The following LRRK2 variants were observed in gnomAD, a reference collection of about 807,000 sequenced individuals.
LRRK2 encodes leucine-rich repeat serine/threonine-protein kinase 2.
Under a neutral mutation model 302.6 loss-of-function variants are expected in LRRK2, and 203 were observed. The ratio of observed to expected loss-of-function variants is 0.67; its 90% CI spans 0.60 to 0.75. The LOEUF (loss-of-function observed/expected upper bound fraction) is 0.75, where lower values mean the gene tolerates loss of function less well. LRRK2 is among the 30% of genes least tolerant of loss of function. The probability of loss-of-function intolerance (pLI) is 0.00; values close to 1 mark genes in which losing one functional copy is unlikely to be tolerated. For synonymous variants in LRRK2, 1,066 were observed against 1,031.9 expected, an observed-to-expected ratio of 1.03 and a Z score of -0.63; for missense variants, 2,830 against 2,951.0, an observed-to-expected ratio of 0.96 and a Z score of 0.95.
chr12:40,261,514 G>A (rs1942774544), intron 13 of LRRK2, among the ~76,000 whole-genome samples: 1 of 152,120 alleles, frequency 6.6e-6, no homozygotes, highest in Non-Finnish European at 1.5e-5. Flanking sequence ...ATATCAGTAT[G>A]TAAGTACATT....
chr12:40,346,515 T>C (rs1432712312), intron 41 of LRRK2, among the ~76,000 whole-genome samples: 1 of 152,202 alleles, frequency 6.6e-6, no homozygotes, highest in Non-Finnish European at 1.5e-5. Context: ...ATTGAAGATA[T>C]TTATAATAAA....
In LRRK2 at chr12:40,320,037, T is replaced by A; in HGVS notation, c.4877T>A (p.Ile1626Asn). Reference protein sequence around the residue: ...EGCPKHPKGIISRRDVEKFLS... With the variant: ...EGCPKHPKGINSRRDVEKFLS... ...TGTCCAAAACACCCTAAGGGCATTA[T>A]TTCGCGTAGAGATGTGGAAAAATTT... The change falls in exon 34 of 51, where the codon ATT (isoleucine) becomes AAT (asparagine). Residue 1626 changes from isoleucine to asparagine, a missense_variant. Around this residue, in one of 3 missense-constraint regions of LRRK2, gnomAD observed 2,121 missense variants for 2,148.0 expected, o/e 0.99. Coordinates refer to ENST00000298910, the MANE Select transcript of LRRK2 (RefSeq NM_198578.4). The A allele has an allele frequency of 6.2e-7, 1 of 1,611,950 alleles. No individual in the cohort carries two copies. The highest frequency in any genetic ancestry group is 8.5e-7 in the Non-Finnish European group (1 of 1,178,656).
intron 11 of LRRK2, among the ~76,000 whole-genome samples, chr12:40,256,298 A>C (rs1006478286): frequency 1.3e-5 from 2 of 152,112 alleles, no homozygotes; most frequent in East Asian, 3.9e-4. Context: ...TATTAACAAA[A>C]ATTAGCCAGG....
chr12:40,278,345 T>C, intron 18 of LRRK2, 84 bp downstream of exon 18: 1 of 1,478,706 alleles, frequency 6.8e-7, no homozygotes, highest in Non-Finnish European at 9.4e-7. Flanking sequence ...CTCTTACTTA[T>C]ATCATATTAT....
At chr12:40,314,488 G>T (rs1592275908) in intron 32 of LRRK2, among the ~76,000 whole-genome samples, 2 of 152,178 alleles carry the variant, frequency 1.3e-5, no homozygotes, top group East Asian at 3.9e-4. Context: ...ATAGTCAAAT[G>T]ACATTCATAA....
At chr12:40,278,783 T>C (rs1365770523) in intron 18 of LRRK2, among the ~76,000 whole-genome samples, 1 of 152,154 alleles carries the variant, frequency 6.6e-6, no homozygotes, top group African/African-American at 2.4e-5. Flanking sequence ...TCCTGAACCA[T>C]GTAAACATAT....
intron 5 of LRRK2, 104 bp from the exon 6 acceptor site, chr12:40,240,379 A>T: frequency 9.8e-7 from 1 of 1,018,920 alleles, no homozygotes; most frequent in Non-Finnish European, 1.5e-6. Flanking sequence ...AGGAGATTAC[A>T]CTTGATGTAT....
rs1368080388 is a variant in LRRK2 at position 40,295,582 on chromosome 12, C to A, written c.3034C>A (p.His1012Asn). The A allele has an allele frequency of 6.2e-7, 1 of 1,614,010 alleles. No individual in the cohort carries two copies. Reference sequence around the variant, plus strand: ...ATGCTGTATAAGTGTTCATTTGGAGCATCTTGAAAAGCTGGAGCTTCACCA... The same window carrying A: ...ATGCTGTATAAGTGTTCATTTGGAGAATCTTGAAAAGCTGGAGCTTCACCA... ...QKCCISVHLE[H>N]LEKLELHQNA... Residue 1012 changes from histidine (H) to asparagine (N), a missense_variant, in exon 23 of 51, where the codon CAT becomes AAT. By Grantham distance (68) the His-to-Asn change is moderately conservative. Transcript: ENST00000298910.
At chr12:40,276,775 T>C (rs567233740) in intron 16 of LRRK2, among the ~76,000 whole-genome samples, 1 of 152,296 alleles carries the variant, frequency 6.6e-6, no homozygotes, top group African/African-American at 2.4e-5. Context: ...TTAGTATTCG[T>C]AGATACTCAG....
intron 14 of LRRK2, among the ~76,000 whole-genome samples, chr12:40,273,926 A>G (rs769038815): frequency 2.0e-5 from 3 of 152,014 alleles, no homozygotes; most frequent in Non-Finnish European, 2.9e-5. Context: ...TCTGGAGGAA[A>G]TTCAGATTAA....
At chr12:40,272,279 T>C (rs1175187631) in intron 14 of LRRK2, among the ~76,000 whole-genome samples, 1 of 152,182 alleles carries the variant, frequency 6.6e-6, no homozygotes, top group African/African-American at 2.4e-5. Context: ...CTTTTTTTTG[T>C]AGAAGATACT....
At chr12:40,332,877 T>C (rs1178771250) in intron 39 of LRRK2, among the ~76,000 whole-genome samples, 1 of 149,846 alleles carries the variant, frequency 6.7e-6, no homozygotes, top group Non-Finnish European at 1.5e-5. Flanking sequence ...ACAGAGCCAA[T>C]TAGTGTATAA....
At chr12:40,239,763 CATTAT>C (rs1224599934) in intron 5 of LRRK2, among the ~76,000 whole-genome samples, 1 of 152,016 alleles carries the variant, frequency 6.6e-6, no homozygotes. Flanking sequence ...ACTGATTTCA[CATTAT>C]ATTATAGGGA....
chr12:40,322,314 T>C lies in LRRK2; in HGVS notation c.5318-5T>C. The C allele has an allele frequency of 5.6e-6, 9 of 1,613,528 alleles. No homozygotes were observed. The highest frequency in any genetic ancestry group is 7.6e-6 in the Non-Finnish European group (9 of 1,179,580). On this transcript the variant is annotated splice_region_variant and splice_polypyrimidine_tract_variant and intron_variant, in intron 36 of 50. Coordinates refer to ENST00000298910, the MANE Select transcript of LRRK2 (RefSeq NM_198578.4). ...AGGTGTTGAGCTCTGTTTTGAATCATGTAGGCTGTATTCTTTTGGGCCAAG... is the reference window on the plus strand; with the variant it reads ...AGGTGTTGAGCTCTGTTTTGAATCACGTAGGCTGTATTCTTTTGGGCCAAG...
rs111393147 is a variant in LRRK2, at chr12:40,309,249, C to G, written c.4317+16C>G. ...CAATATAAAGGTGATTTGTTCTGATCATTTGAAAATAGAAAATAATTCATG... is the reference window on the plus strand; with the variant it reads ...CAATATAAAGGTGATTTGTTCTGATGATTTGAAAATAGAAAATAATTCATG... On this transcript the variant is annotated intron_variant, in intron 30 of 50. Coordinates refer to ENST00000298910, the MANE Select transcript of LRRK2 (RefSeq NM_198578.4). The G allele has an allele frequency of 6.2e-7, 1 of 1,610,284 alleles. No individual in the cohort carries two copies. Among genetic ancestry groups the G allele is most frequent in the South Asian group, 1.1e-5 (1 of 90,788 alleles).
chr12:40,275,016 A>G (rs1351607965), intron 16 of LRRK2, 23 bp downstream of exon 16: 23 of 1,613,390 alleles, frequency 1.4e-5, no homozygotes, highest in Non-Finnish European at 1.5e-5. Context: ...TCTTGGAAAG[A>G]ATTTGGGAAC....
chr12:40,359,188 C>G, intron 46 of LRRK2, 72 bp from the exon 47 acceptor site: 1 of 1,335,412 alleles, frequency 7.5e-7, no homozygotes, highest in Non-Finnish European at 1.0e-6. Flanking sequence ...TTTTTGAAAG[C>G]ACAGATTTTA....
rs1488444393 is a variant in LRRK2 at position 40,243,035 on chromosome 12, A to G, written c.707-515A>G. The stretch of plus-strand genomic sequence containing the variant: ...ATTGTCCCTATTTTACCAACAAGAA[A>G]ACTGACCAACAAGATTAAACAACGT... On this transcript the variant is annotated intron_variant, in intron 6 of 50. Transcript: ENST00000298910. Among the ~76,000 whole-genome samples, 8 of 151,518 alleles carry G rather than the reference A, an allele frequency of 5.3e-5. No individual in the cohort carries two copies. The East Asian group carries it at 1.5e-3, about 29-fold the overall frequency.
At chr12:40,336,555 A>G (rs999455126) in intron 40 of LRRK2, among the ~76,000 whole-genome samples, 1 of 152,186 alleles carries the variant, frequency 6.6e-6, no homozygotes, top group African/African-American at 2.4e-5. Context: ...AAAGAAGGAA[A>G]ACAGTGCCTG....
Sources: gnomAD v4.1 joint callset for allele counts (sites outside exome capture counted in the v4.1 genomes callset) on GRCh38, gnomAD v4.1.1 for gene constraint, gnomAD v4.1.1 regional missense constraint, MANE v1.5 for transcripts, NCBI Gene and HGNC (gene_info 2026-07-23, HGNC 2026-07-21) for gene names.